The following MAN2A1 variants were observed in gnomAD, a reference collection of about 807,000 sequenced individuals.
The protein encoded by MAN2A1 is mannosidase alpha class 2A member 1.
In MAN2A1, 76 loss-of-function variants were observed where a neutral mutation model predicts 142.6. The ratio of observed to expected loss-of-function variants is 0.53; its 90% CI spans 0.44 to 0.65. MAN2A1 has a LOEUF of 0.65. MAN2A1 is among the 30% of genes least tolerant of loss of function. The pLI is 0.00. For synonymous variants in MAN2A1, 559 were observed against 473.2 expected (o/e 1.18, Z -2.35); for missense variants, 1,311 against 1,365.1 (o/e 0.96, Z 0.62).
At position 109,855,157 on chromosome 5, in the gene MAN2A1, G is replaced by T; in HGVS notation, c.2994G>T (p.Ser998=). The stretch of plus-strand genomic sequence containing the variant: ...CTTGATAGGAAGAAGAAAAGAAGTC[G>T]GTCAGTTATCCTTCTCTCCTTAGCC... ...SAVNTEEEKK[S]VSYPSLLSHI... The change falls in exon 20 of 22, where the codon TCG becomes TCT. Residue 998 remains serine (S), a synonymous_variant. Transcript: ENST00000261483. The T allele has an allele frequency of 6.5e-7, 1 of 1,540,964 alleles. No homozygotes were observed. Among genetic ancestry groups the T allele is most frequent in the South Asian group, 1.3e-5 (1 of 75,994 alleles).
intron 12 of MAN2A1, among the ~76,000 whole-genome samples, chr5:109,803,600 A>T (rs1380513175): frequency 1.3e-5 from 2 of 152,076 alleles, no homozygotes; most frequent in East Asian, 3.8e-4. Flanking sequence ...TGATATATTA[A>T]AATATGAAGG....
chr5:109,820,371 G>A (rs370080785), intron 15 of MAN2A1, 29 bp downstream of exon 15: 2 of 1,577,416 alleles, frequency 1.3e-6, no homozygotes, highest in African/African-American at 1.4e-5. Context: ...ATGACAAATG[G>A]AATAAACACT....
chr5:109,857,935 A>G (rs372874695), intron 20 of MAN2A1, among the ~76,000 whole-genome samples: 1 of 152,150 alleles, frequency 6.6e-6, no homozygotes, highest in African/African-American at 2.4e-5. Context: ...AATGTCACGT[A>G]TTGCTGTGTC....
At chr5:109,764,309 C>T (rs1305225453) in intron 5 of MAN2A1, among the ~76,000 whole-genome samples, 1 of 152,088 alleles carries the variant, frequency 6.6e-6, no homozygotes, top group African/African-American at 2.4e-5. Context: ...TTAATGTTTT[C>T]CATACTTTGT....
chr5:109,821,166 A>G (rs1754613250), intron 15 of MAN2A1, among the ~76,000 whole-genome samples: 1 of 152,104 alleles, frequency 6.6e-6, no homozygotes, highest in African/African-American at 2.4e-5. Flanking sequence ...TGTATTTCTT[A>G]TTGTCTTTTA....
chr5:109,836,459 G>C (rs571426727), intron 16 of MAN2A1, among the ~76,000 whole-genome samples: 14 of 152,080 alleles, frequency 9.2e-5, no homozygotes, highest in Admixed American at 2.0e-4. Context: ...CACGCTTTTT[G>C]GTTTCCTTAG....
chr5:109,779,955 T>G (rs1051584309), intron 8 of MAN2A1, among the ~76,000 whole-genome samples: 1 of 152,236 alleles, frequency 6.6e-6, no homozygotes, highest in Admixed American at 6.5e-5. Flanking sequence ...TATATTTGCC[T>G]TATCAGTATC....
Position 109,820,305 on chromosome 5 carries a change from G to A in MAN2A1, c.2414G>A (p.Ser805Asn). Residue 805 changes from serine to asparagine, a missense_variant, in exon 15 of 22, where the codon AGT becomes AAT. By Grantham distance (46) the Ser-to-Asn change is conservative (BLOSUM62 1). Around this residue, in one of 3 missense-constraint regions of MAN2A1, gnomAD observed 890 missense variants for 920.5 expected, o/e 0.97. Transcript: ENST00000261483. ...WYGTTIKRDKSGAYLFLPDGN... is the reference protein window; with the variant it reads ...WYGTTIKRDKNGAYLFLPDGN... ...GGAACCACAATTAAAAGAGACAAAA[G>A]TGGTGCCTACCTCTTCTTACCTGAT... The A allele has an allele frequency of 6.2e-7, 1 of 1,613,656 alleles. No homozygotes were observed. The highest frequency in any genetic ancestry group is 1.7e-5 in the Admixed American group (1 of 60,018).
chr5:109,725,974 C>G (rs1751732734), intron 3 of MAN2A1, among the ~76,000 whole-genome samples: 1 of 152,002 alleles, frequency 6.6e-6, no homozygotes, highest in South Asian at 2.1e-4. Context: ...TGTAATTATG[C>G]ACTCTTTGTT....
chr5:109,856,813 C>A (rs1326652614), intron 20 of MAN2A1, among the ~76,000 whole-genome samples: 1 of 152,030 alleles, frequency 6.6e-6, no homozygotes, highest in Non-Finnish European at 1.5e-5. Context: ...TTTTTAAAAT[C>A]ATTATCAGTG....
intron 4 of MAN2A1, among the ~76,000 whole-genome samples, chr5:109,737,719 A>T (rs1458072530): frequency 2.6e-5 from 4 of 152,198 alleles, no homozygotes; most frequent in African/African-American, 9.7e-5. Context: ...TGATGTAGAC[A>T]CACACAGAAC....
chr5:109,744,317 A>T (rs1752344249), intron 4 of MAN2A1, among the ~76,000 whole-genome samples: 1 of 152,122 alleles, frequency 6.6e-6, no homozygotes, highest in African/African-American at 2.4e-5. Context: ...AGCAAATGAT[A>T]TTCAAGCTTA....
intron 4 of MAN2A1, among the ~76,000 whole-genome samples, chr5:109,741,865 C>G (rs1482732578): frequency 6.6e-6 from 1 of 152,256 alleles, no homozygotes; most frequent in African/African-American, 2.4e-5. Flanking sequence ...ATCATAGTAC[C>G]TACTGGTAAT....
intron 4 of MAN2A1, 38 bp from the exon 5 acceptor site, chr5:109,755,291 A>C (rs766401952): frequency 6.6e-7 from 1 of 1,524,362 alleles, no homozygotes. Flanking sequence ...ACTTTTCTTA[A>C]CATTTATTAA....
chr5:109,766,204 A>C (rs888683281), intron 5 of MAN2A1, among the ~76,000 whole-genome samples: 1 of 152,132 alleles, frequency 6.6e-6, no homozygotes, highest in Non-Finnish European at 1.5e-5. Context: ...CCAGTCTTCC[A>C]CATTTGTAGT....
chr5:109,808,792 C>T (rs888583539), intron 12 of MAN2A1, among the ~76,000 whole-genome samples: 17 of 150,806 alleles, frequency 1.1e-4, no homozygotes, highest in African/African-American at 4.9e-5. Flanking sequence ...TAACCTCCAC[C>T]TCCTGGGTTC....
chr5:109,803,441 TA>T (rs1179012482), intron 12 of MAN2A1, among the ~76,000 whole-genome samples: 2 of 152,066 alleles, frequency 1.3e-5, no homozygotes, highest in African/African-American at 4.8e-5. Context: ...AAGTGTGTTT[TA>T]ATTGTGTGTT....
At chr5:109,816,408 C>T (rs1754462563) in intron 12 of MAN2A1, among the ~76,000 whole-genome samples, 1 of 152,112 alleles carries the variant, frequency 6.6e-6, no homozygotes. Context: ...TAATAGTTTG[C>T]ATTTTCCTTT....
At chr5:109,790,592 T>C (rs1444930037) in intron 12 of MAN2A1, among the ~76,000 whole-genome samples, 1 of 152,078 alleles carries the variant, frequency 6.6e-6, no homozygotes, top group East Asian at 1.9e-4. Flanking sequence ...ATATTTCTTA[T>C]AAAATTACAA....
Sources: gnomAD v4.1 joint callset for allele counts (sites outside exome capture counted in the v4.1 genomes callset) on GRCh38, gnomAD v4.1.1 for gene constraint, gnomAD v4.1.1 regional missense constraint, MANE v1.5 for transcripts, NCBI Gene and HGNC (gene_info 2026-07-23, HGNC 2026-07-21) for gene names.